CSMD1: variants seen among roughly 807,000 people sequenced by gnomAD.
The protein encoded by CSMD1 is CUB and Sushi multiple domains 1, also known as CUB and sushi domain-containing protein 1.
In CSMD1, 213 loss-of-function variants were observed where a neutral mutation model predicts 417.5. The ratio of observed to expected loss-of-function variants is 0.51; its 90% CI spans 0.46 to 0.57. The LOEUF is 0.57. Ranked by LOEUF, CSMD1 falls within the 20% of genes least tolerant of loss-of-function variation. CSMD1 has a pLI of 0.00. For synonymous variants in CSMD1, 2,862 were observed against 1,736.8 expected (o/e 1.65, Z -16.11); for missense variants, 6,923 against 4,529.7 (o/e 1.53, Z -15.17).
At chr8:3,232,976 C>G (rs1046042979) in intron 26 of CSMD1, among the ~76,000 whole-genome samples, 2 of 151,532 alleles carry the variant, frequency 1.3e-5, no homozygotes, top group African/African-American at 4.8e-5. Context: ...TGTCATTGTC[C>G]ATTTGTTTTT....
In CSMD1 at chr8:3,997,923, G is replaced by A. The variant is rs1185281196; in HGVS notation, c.798C>T (p.Gly266=). 4 of 1,612,286 alleles carry A rather than the reference G, an allele frequency of 2.5e-6. No individual in the cohort carries two copies. Among genetic ancestry groups the A allele is most frequent in the African/African-American group, 1.3e-5 (1 of 75,016 alleles). The change falls in exon 5 of 70, where the codon GGC becomes GGT. Residue 266 remains glycine (G), a synonymous_variant. Transcript: ENST00000635120. ...EEGYDFLEIS[G]TEAPSIWLTG... is the part of the protein sequence containing the mutation. ...CTTACCATATGGATGGAGCTTCCGT[G>A]CCACTGATCTCTAAGAAATCATATC...
At chr8:3,150,382 T>C (rs1214397756) in intron 40 of CSMD1, among the ~76,000 whole-genome samples, 1 of 152,132 alleles carries the variant, frequency 6.6e-6, no homozygotes, top group Non-Finnish European at 1.5e-5. Flanking sequence ...CAACTGCATT[T>C]CCCACGTCCA....
intron 6 of CSMD1, among the ~76,000 whole-genome samples, chr8:3,730,789 C>T (rs1040917772): frequency 6.6e-6 from 1 of 152,132 alleles, no homozygotes; most frequent in East Asian, 1.9e-4. Context: ...ATACCCTTAA[C>T]CTAATATTTT....
intron 3 of CSMD1, among the ~76,000 whole-genome samples, chr8:4,175,031 T>A (rs994960641): frequency 1.3e-4 from 19 of 151,928 alleles, no homozygotes; most frequent in African/African-American, 4.6e-4. Flanking sequence ...TTTAAGTATA[T>A]TACATTCCTT....
chr8:4,572,698 A>G (rs1383271484), intron 2 of CSMD1, among the ~76,000 whole-genome samples: 2 of 152,196 alleles, frequency 1.3e-5, no homozygotes, highest in Non-Finnish European at 2.9e-5. Flanking sequence ...CCTGGATAAT[A>G]TCCTGAAGAG....
chr8:4,952,986 C>G (rs774976303), intron 1 of CSMD1, among the ~76,000 whole-genome samples: 1 of 152,088 alleles, frequency 6.6e-6, no homozygotes, highest in Non-Finnish European at 1.5e-5. Flanking sequence ...TATTCCACAT[C>G]CATGCATTCA....
chr8:3,313,963 C>A (rs536167321), intron 23 of CSMD1, among the ~76,000 whole-genome samples: 2,819 of 152,236 alleles, frequency 0.019, 69 homozygotes, highest in African/African-American at 0.064. Flanking sequence ...AGTTCATGTC[C>A]TTTGTAGGGA....
At position 3,932,622 on chromosome 8, in the gene CSMD1, C is replaced by CA. The variant is rs1362253418; in HGVS notation, c.818+65280dup. Among the ~76,000 whole-genome samples, 8 of 150,436 alleles carry CA rather than the reference C, an allele frequency of 5.3e-5. 1 individual carries two copies. The highest frequency in any genetic ancestry group is 2.0e-4 in the African/African-American group (8 of 40,746). Reference sequence around the variant, plus strand: ...ACAAACAGTATCATATTTCACCAAACATTTATATTGACATTTTGCATGTTA... The same window carrying CA: ...ACAAACAGTATCATATTTCACCAAACAATTTATATTGACATTTTGCATGTTA... On this transcript the variant is annotated intron_variant, in intron 5 of 69. Transcript: ENST00000635120.
intron 2 of CSMD1, among the ~76,000 whole-genome samples, chr8:4,585,767 T>C (rs1005594751): frequency 2.6e-5 from 4 of 152,190 alleles, no homozygotes; most frequent in African/African-American, 9.7e-5. Flanking sequence ...AGTGAAACTA[T>C]CCTATAGAAA....
At chr8:4,033,294 T>G (rs1214333112) in intron 3 of CSMD1, among the ~76,000 whole-genome samples, 1 of 151,738 alleles carries the variant, frequency 6.6e-6, no homozygotes, top group Non-Finnish European at 1.5e-5. Context: ...CAAAAAAAAT[T>G]AGCCGGGCGT....
At chr8:4,845,292 G>C (rs927805491) in intron 1 of CSMD1, among the ~76,000 whole-genome samples, 12 of 152,092 alleles carry the variant, frequency 7.9e-5, no homozygotes, top group African/African-American at 2.9e-4. Flanking sequence ...TTTAGAAAAC[G>C]AACACTGTTA....
chr8:4,634,701 T>A (rs1323190400), intron 2 of CSMD1, among the ~76,000 whole-genome samples: 1 of 152,186 alleles, frequency 6.6e-6, no homozygotes, highest in Non-Finnish European at 1.5e-5. Context: ...GGGAAACGAA[T>A]AGCATTAGAG....
intron 5 of CSMD1, among the ~76,000 whole-genome samples, chr8:3,805,746 G>A (rs557823670): frequency 1.5e-4 from 23 of 151,878 alleles, no homozygotes; most frequent in Non-Finnish European, 2.6e-4. Context: ...ACTTGTTTGT[G>A]ATACTCTTTG....
chr8:3,852,356 T>A (rs1299534242), intron 5 of CSMD1, among the ~76,000 whole-genome samples: 1 of 151,866 alleles, frequency 6.6e-6, no homozygotes, highest in Non-Finnish European at 1.5e-5. Flanking sequence ...CAGTGCAGGA[T>A]AAGGGACACC....
At position 3,911,254 on chromosome 8, in the gene CSMD1, T is replaced by C. The variant is rs571530878; in HGVS notation, c.818+86649A>G. 2.4e-4 allele frequency among the ~76,000 whole-genome samples: 37 copies of C among 152,128 alleles called. 1 individual carries two copies. Among genetic ancestry groups the C allele is most frequent in the Admixed American group, 1.2e-3 (19 of 15,276 alleles). ...TCCAAAATCAAATCACATCATTCTT[T>C]AGGTCATTTTTCTTTTGTTTAACTG... is the stretch of plus-strand genomic sequence containing the variant. On this transcript the variant is annotated intron_variant, in intron 5 of 69. Coordinates refer to ENST00000635120, the MANE Select transcript of CSMD1 (RefSeq NM_033225.6).
chr8:4,504,272 C>T (rs940122698), intron 2 of CSMD1, among the ~76,000 whole-genome samples: 2 of 152,040 alleles, frequency 1.3e-5, no homozygotes, highest in Non-Finnish European at 2.9e-5. Context: ...GGGGAATCTA[C>T]AATGCACAGA....
intron 3 of CSMD1, among the ~76,000 whole-genome samples, chr8:4,234,495 G>C (rs1220737363): frequency 1.3e-5 from 2 of 152,102 alleles, no homozygotes; most frequent in African/African-American, 4.8e-5. Context: ...CTTGAGGTCT[G>C]AATTCAGCAG....
chr8:4,741,198 A>G (rs1023998976), intron 1 of CSMD1, among the ~76,000 whole-genome samples: 10 of 152,148 alleles, frequency 6.6e-5, no homozygotes, highest in African/African-American at 2.2e-4. Flanking sequence ...GCATTTCAAC[A>G]GAAGACCCTA....
At chr8:4,503,416 G>A (rs967193992) in intron 2 of CSMD1, among the ~76,000 whole-genome samples, 2 of 151,904 alleles carry the variant, frequency 1.3e-5, no homozygotes, top group African/African-American at 2.4e-5. Context: ...AAAATAAGTC[G>A]AGAAAATACA....
Sources: allele counts gnomAD v4.1 joint callset (sites outside exome capture counted in the v4.1 genomes callset), GRCh38; gene constraint gnomAD v4.1.1; transcripts MANE v1.5; gene names NCBI Gene and HGNC (gene_info 2026-07-23, HGNC 2026-07-21).